Variants in ASH1L observed in about 807,000 individuals in gnomAD.
ASH1L encodes the protein histone-lysine N-methyltransferase ASH1L.
A neutral mutation model predicts 269.0 loss-of-function variants in ASH1L; 23 were observed. The ratio of observed to expected loss-of-function variants is 0.09; its 90% confidence interval spans 0.06 to 0.12. ASH1L has a LOEUF of 0.12. Ranked by LOEUF, ASH1L falls within the 10% of genes least tolerant of loss-of-function variation. ASH1L has a pLI of 1.00. For synonymous variants in ASH1L, 1,187 were observed against 1,253.5 expected (o/e 0.95, Z 1.12); for missense variants, 2,912 against 3,567.8 (o/e 0.82, Z 4.68).
chr1:155,541,480 TAA>T (rs558054175), intron 1 of ASH1L, among the ~76,000 whole-genome samples: 53 of 152,216 alleles, frequency 3.5e-4, no homozygotes, highest in East Asian at 3.1e-3. Context: ...TAATATTATA[TAA>T]GTCACTAAAA....
chr1:155,562,838 C>T (rs1488742957), upstream of ASH1L: 6 of 496,352 alleles, frequency 1.2e-5, no homozygotes, highest in Admixed American at 9.6e-5. Flanking sequence ...TTCTCTCCTC[C>T]CCCCCCTTCC....
At position 155,521,622 on chromosome 1, in the gene ASH1L, C is replaced by T. The variant is rs17377506; in HGVS notation, c.-99-4G>A. The T allele has an allele frequency of 0.043, 47,184 of 1,098,610 alleles. 1,215 individuals carry two copies. The highest frequency in any genetic ancestry group is 0.055 in the Middle Eastern group (258 of 4,710). The allele number at this position is 1,098,610 out of a possible 1,614,324, so 68.1% of individuals were successfully genotyped here. A position where few individuals can be genotyped will look rare whatever the true frequency, so the allele number is the denominator to read the frequency against. On this transcript the variant is annotated splice_region_variant and splice_polypyrimidine_tract_variant and intron_variant, in intron 1 of 27. Coordinates refer to ENST00000392403, the MANE Select transcript of ASH1L (RefSeq NM_018489.3). ...AACTCGAAACCAGCATCTTTCTCTG[C>T]AGAACAGATCATAACAAAAATTTAT...
chr1:155,534,878 T>C (rs1669941970), intron 1 of ASH1L, among the ~76,000 whole-genome samples: 1 of 152,210 alleles, frequency 6.6e-6, no homozygotes, highest in African/African-American at 2.4e-5. Context: ...ACAATGCAGG[T>C]AGATTGTTAG....
chr1:155,478,131 G>A lies in ASH1L; in HGVS notation c.4739C>T (p.Ser1580Leu), dbSNP rs1399455880. The change falls in exon 3 of 28, where the codon TCA becomes TTA. Residue 1580 changes from serine to leucine, a missense_variant. Physicochemically the swap from Ser to Leu is moderately radical, Grantham distance 145 (BLOSUM62 -2). This residue lies in a region of ASH1L where 789 missense variants were observed against 897.6 expected (regional missense o/e 0.88). Transcript: ENST00000392403. This position sits in a 1 kb window ranked among gnomAD's most constrained non-coding sequence, Gnocchi z 4.6. ...GLQTPLQIDCSESSPSLSLGG... is the reference protein window; with the variant it reads ...GLQTPLQIDCLESSPSLSLGG... ...AAGGGATAAGCTTGGAGAACTTTCT[G>A]AACAGTCAATCTGTAAAGGTGTCTG... 1.2e-6 allele frequency: 2 copies of A among 1,613,964 alleles called. No homozygotes were observed.
At chr1:155,436,350 C>T (rs1662091897) in intron 5 of ASH1L, among the ~76,000 whole-genome samples, 1 of 151,766 alleles carries the variant, frequency 6.6e-6, no homozygotes, top group Non-Finnish European at 1.5e-5. Context: ...TGCCACCATG[C>T]CCAGCTAATT....
intron 5 of ASH1L, among the ~76,000 whole-genome samples, chr1:155,422,160 CAG>C (rs1436468970): frequency 6.6e-6 from 1 of 152,012 alleles, no homozygotes; most frequent in Non-Finnish European, 1.5e-5. Context: ...TTTTTTGAGT[CAG>C]AGTCTCATTC....
At chr1:155,382,837 C>T (rs1015277418) in intron 7 of ASH1L, among the ~76,000 whole-genome samples, 5 of 152,040 alleles carry the variant, frequency 3.3e-5, no homozygotes, top group African/African-American at 1.2e-4. Flanking sequence ...GCGATCCTCT[C>T]ACTTCTACCT....
intron 4 of ASH1L, among the ~76,000 whole-genome samples, chr1:155,447,450 G>C (rs910107096): frequency 9.9e-5 from 15 of 151,930 alleles, no homozygotes; most frequent in African/African-American, 3.6e-4. Flanking sequence ...GGCTGGTCTC[G>C]AACTCCTGAG....
chr1:155,341,594 G>GA (rs1361844015), intron 25 of ASH1L, among the ~76,000 whole-genome samples: 1 of 151,854 alleles, frequency 6.6e-6, no homozygotes, highest in African/African-American at 2.4e-5. Flanking sequence ...TGAGAGAGAG[G>GA]AAAAAAAGGA....
At chr1:155,434,004 G>A (rs770579928) in intron 5 of ASH1L, 20 of 1,588,456 alleles carry the variant, frequency 1.3e-5, no homozygotes, top group Admixed American at 1.8e-5. Flanking sequence ...GATGTGGTCC[G>A]AGTGTGGTTC....
At chr1:155,434,086 G>A in intron 5 of ASH1L, 1 of 1,592,286 alleles carries the variant, frequency 6.3e-7, no homozygotes, top group Non-Finnish European at 8.5e-7. Flanking sequence ...AGGCTGCTGG[G>A]TCTCCTTTCT....
intron 6 of ASH1L, among the ~76,000 whole-genome samples, chr1:155,413,642 A>G (rs1303148506): frequency 3.3e-5 from 5 of 152,096 alleles, no homozygotes; most frequent in African/African-American, 7.2e-5. Flanking sequence ...AAAAACAAAG[A>G]AGGAGCATGC....
At chr1:155,452,472 T>C (rs1304865575) in intron 4 of ASH1L, among the ~76,000 whole-genome samples, 1 of 152,230 alleles carries the variant, frequency 6.6e-6, no homozygotes, top group Non-Finnish European at 1.5e-5. Context: ...GTTTGATTCC[T>C]TGAATCCTGT....
chr1:155,434,345 G>A (rs1661899600), intron 5 of ASH1L: 1 of 1,536,098 alleles, frequency 6.5e-7, no homozygotes, highest in African/African-American at 1.4e-5. Context: ...CAGGGCTTTT[G>A]GAATTAAGTT....
At chr1:155,436,367 T>G (rs556287698) in intron 5 of ASH1L, among the ~76,000 whole-genome samples, 2 of 151,826 alleles carry the variant, frequency 1.3e-5, no homozygotes, top group Non-Finnish European at 2.9e-5. Context: ...AATTTTGTAT[T>G]TTTAGTAGAG....
chr1:155,416,412 C>A (rs1436612991), intron 5 of ASH1L, among the ~76,000 whole-genome samples: 1 of 152,108 alleles, frequency 6.6e-6, no homozygotes, highest in Non-Finnish European at 1.5e-5. Flanking sequence ...GCCACCGTGC[C>A]CGGCATGAGA....
At chr1:155,433,167 G>T (rs779700673) in intron 5 of ASH1L, 2 of 1,513,408 alleles carry the variant, frequency 1.3e-6, no homozygotes, top group South Asian at 2.5e-5. Flanking sequence ...AGCTTGGGGC[G>T]CCTTCCTTCC....
At position 155,378,400 on chromosome 1, in the gene ASH1L, A is replaced by G. The variant is rs552101903; in HGVS notation, c.6224-11T>C. 6.2e-7 allele frequency: 1 copy of G among 1,613,120 alleles called. No homozygotes were observed. Among genetic ancestry groups the G allele is most frequent in the Admixed American group, 1.7e-5 (1 of 60,016 alleles). On this transcript the variant is annotated splice_polypyrimidine_tract_variant and intron_variant, in intron 9 of 27. Transcript: ENST00000392403. ...CATCAACGTAGACATCTTGAAAAGAAAGCAAAGAATAGTTTGTGAACATAC... is the reference window on the plus strand; with the variant it reads ...CATCAACGTAGACATCTTGAAAAGAGAGCAAAGAATAGTTTGTGAACATAC...
intron 12 of ASH1L, among the ~76,000 whole-genome samples, chr1:155,368,420 CT>C (rs1183242798): frequency 1.3e-5 from 2 of 151,122 alleles, no homozygotes; most frequent in South Asian, 4.2e-4. Flanking sequence ...TCTATTTTGT[CT>C]TATGTCAGTT....
Sources: gnomAD v4.1 joint callset for allele counts (sites outside exome capture counted in the v4.1 genomes callset) on GRCh38, gnomAD v4.1.1 for gene constraint, gnomAD v4.1.1 regional missense constraint, Gnocchi (gnomAD v3.1) non-coding constraint, MANE v1.5 for transcripts, NCBI Gene and HGNC (gene_info 2026-07-23, HGNC 2026-07-21) for gene names.